The following THBS3 variants were observed in gnomAD, a reference collection of about 807,000 sequenced individuals.
THBS3 encodes thrombospondin 3, also known as thrombospondin-3.
In THBS3, 78 loss-of-function variants were observed where a neutral mutation model predicts 118.3. The observed-to-expected ratio is 0.66, with a 90% CI of 0.55 to 0.80. THBS3 has a LOEUF of 0.80. THBS3 is among the 30% of genes least tolerant of loss of function. The pLI, the probability that THBS3 is intolerant of heterozygous loss-of-function variation, is 0.00. For missense variants in THBS3, 1,057 were observed against 1,247.4 expected (o/e 0.85, Z 2.30); for synonymous variants, 427 against 475.3 (o/e 0.90, Z 1.32).
At chr1:155,209,125 C>T (rs1314316705), upstream of THBS3, 1 of 1,541,932 alleles carries the variant, frequency 6.5e-7, no homozygotes, top group Non-Finnish European at 8.8e-7. Flanking sequence ...GAAGAAGCCT[C>T]GCCTCCCCGG....
In THBS3 at chr1:155,205,309, C is replaced by T; in HGVS notation, c.294G>A (p.Val98=). Residue 98 remains valine, a synonymous_variant, in exon 3 of 23, where the codon GTG becomes GTA. Transcript: ENST00000368378. ...CTTTGCCATCCTCCCGCTGGTATCGCACCAGTACTGCCCAGGAGGGGAGAT... is the reference window on the plus strand; with the variant it reads ...CTTTGCCATCCTCCCGCTGGTATCGTACCAGTACTGCCCAGGAGGGGAGAT... ...SVVGKINKVL[V]RYQREDGKVH... 1.2e-6 allele frequency: 2 copies of T among 1,613,842 alleles called. No homozygotes were observed. Among genetic ancestry groups the T allele is most frequent in the Middle Eastern group, 1.7e-4 (1 of 6,044 alleles).
intron 2 of THBS3, 155 bp from the exon 3 acceptor site, chr1:155,205,471 T>A: frequency 9.2e-7 from 1 of 1,085,700 alleles, no homozygotes. Context: ...AGGTACACAA[T>A]AAATGTTTTT....
At chr1:155,199,235 C>A (rs1400849684) in intron 16 of THBS3, among the ~76,000 whole-genome samples, 2 of 151,134 alleles carry the variant, frequency 1.3e-5, no homozygotes, top group Non-Finnish European at 2.9e-5. Context: ...ACAGTGAAAC[C>A]CCGTCTCTAC....
Position 155,205,140 on chromosome 1 carries a change from G to T in THBS3, c.463C>A (p.Pro155Thr). The T allele has an allele frequency of 6.2e-7, 1 of 1,614,184 alleles. No homozygotes were observed. The change falls in exon 3 of 23, where the codon CCA becomes ACA. Residue 155 changes from proline to threonine, a missense_variant. Pro to Thr is a conservative substitution (Grantham distance 38). This residue lies in a region of THBS3 where 206 missense variants were observed against 205.7 expected (regional missense o/e 1.00). Coordinates refer to ENST00000368378, the MANE Select transcript of THBS3 (RefSeq NM_007112.5). ...CKLGDQHAGL[P>T]ALAPIPPAEV... ...GCTGGAGGAATGGGGGCCAGTGCTG[G>T]AAGGCCTGCATGTTGGTCACCCAGT... is the stretch of plus-strand genomic sequence containing the variant.
chr1:155,197,311 TCATGAAAATGC>T lies in THBS3; in HGVS notation c.2500-109_2500-99del. The T allele has an allele frequency of 6.5e-7, 1 of 1,540,986 alleles. No homozygotes were observed. Among genetic ancestry groups the T allele is most frequent in the East Asian group, 2.3e-5 (1 of 44,168 alleles). ...CAGGTGGGAAAGGGATTCAAGGCGGTCATGAAAATGCCCTGGGGCCCCAGAGAGCCGGCCTC... is the reference window on the plus strand; with the variant it reads ...CAGGTGGGAAAGGGATTCAAGGCGGTCCTGGGGCCCCAGAGAGCCGGCCTC... On this transcript the variant is annotated intron_variant, in intron 20 of 22. Coordinates refer to ENST00000368378, the MANE Select transcript of THBS3 (RefSeq NM_007112.5). This position sits in a 1 kb window ranked among gnomAD's most constrained non-coding sequence, Gnocchi z 5.0.
At chr1:155,207,640 GGC>G (rs2148040259) in intron 1 of THBS3, among the ~76,000 whole-genome samples, 156 bp downstream of exon 1, 1 of 152,252 alleles carries the variant, frequency 6.6e-6, no homozygotes, top group East Asian at 1.9e-4. Flanking sequence ...CTCTCCACCA[GGC>G]CATAATTTCA....
At chr1:155,209,125 C>G (rs1314316705), upstream of THBS3, 1 of 1,541,814 alleles carries the variant, frequency 6.5e-7, no homozygotes, top group Non-Finnish European at 8.8e-7. Flanking sequence ...GAAGAAGCCT[C>G]GCCTCCCCGG....
rs1213074824 is a variant in THBS3, at chr1:155,206,315, G to T, written c.171C>A (p.Tyr57Ter). Reference protein sequence around the residue: ...RTALLTAGDIYLLSTFRLPPK... With the variant: ...RTALLTAGDI ...GGGGCAGGCGGAAGGTGGATAAGAG[G>T]TAGATGTCCCCAGCAGTGAGCAAGG... The change falls in exon 2 of 23, where the codon TAC becomes TAA. Residue 57 changes from tyrosine to a stop codon, truncating the protein, a stop_gained. Transcript: ENST00000368378. LOFTEE classifies it high-confidence loss of function. This position sits in a 1 kb window ranked among gnomAD's most constrained non-coding sequence, Gnocchi z 4.2. The T allele has an allele frequency of 6.2e-7, 1 of 1,614,168 alleles. No homozygotes were observed.
In THBS3 at chr1:155,203,092, C is replaced by T; in HGVS notation, c.802G>A (p.Val268Met). ...LIRNTIMECQVCGFHEQRSHC... is the reference protein window; with the variant it reads ...LIRNTIMECQMCGFHEQRSHC... ...CCCCTGCTCTCCCACTCACCGCACA[C>T]CTGACACTCCATAATGGTGTTTCGG... The change falls in exon 7 of 23, where the codon GTG becomes ATG. Residue 268 changes from valine (V) to methionine (M), a missense_variant. Physicochemically the swap from Val to Met is conservative, Grantham distance 21 (BLOSUM62 1). Coordinates refer to ENST00000368378, the MANE Select transcript of THBS3 (RefSeq NM_007112.5). The T allele has an allele frequency of 1.9e-6, 3 of 1,614,214 alleles. No individual in the cohort carries two copies. The highest frequency in any genetic ancestry group is 2.5e-6 in the Non-Finnish European group (3 of 1,180,028).
chr1:155,204,909 C>G lies in THBS3; in HGVS notation c.592G>C (p.Val198Leu). Residue 198 changes from valine to leucine, a missense_variant, in exon 4 of 23, where the codon GTA becomes CTA. By Grantham distance (32) the Val-to-Leu change is conservative. Transcript: ENST00000368378. The part of the protein sequence containing the change: ...KIILGGSMAR[V>L]GALSECPFQG... Reference sequence around the variant, plus strand: ...AATGGACACTCACTCAGGGCTCCTACCCGGGCCATGGACCCACCCAGAATA... The same window carrying G: ...AATGGACACTCACTCAGGGCTCCTAGCCGGGCCATGGACCCACCCAGAATA... The G allele has an allele frequency of 6.2e-7, 1 of 1,613,992 alleles. No homozygotes were observed. Among genetic ancestry groups the G allele is most frequent in the Admixed American group, 1.7e-5 (1 of 60,022 alleles).
intron 10 of THBS3, 78 bp from the exon 11 acceptor site, chr1:155,201,647 G>T: frequency 1.3e-6 from 2 of 1,506,096 alleles, no homozygotes; most frequent in South Asian, 1.2e-5. Context: ...TCCACCTGCG[G>T]AGTGTGGGCT....
upstream of THBS3, chr1:155,208,694 C>CA: frequency 8.5e-7 from 1 of 1,174,614 alleles, no homozygotes; most frequent in Non-Finnish European, 1.2e-6. Context: ...TCCCCTCCCC[C>CA]ACCCAAGCCC....
chr1:155,203,489 T>C lies in THBS3; in HGVS notation c.673+24A>G, dbSNP rs765654292. ...TGGGGCCTCCTCCCCGCTCCCCGCT[T>C]CCGCTTCAGTGTGGCCTACTCACCT... On this transcript the variant is annotated intron_variant, in intron 5 of 22. Transcript: ENST00000368378. 1.9e-6 allele frequency: 3 copies of C among 1,613,120 alleles called. No homozygotes were observed. In the African/African-American group the frequency reaches 4.0e-5, roughly 22 times the overall value.
At position 155,195,795 on chromosome 1, in the gene THBS3, G is replaced by A. The variant is rs1668560860; in HGVS notation, c.*46C>T. The A allele has an allele frequency of 6.2e-7, 1 of 1,603,650 alleles. No homozygotes were observed. Among genetic ancestry groups the A allele is most frequent in the Non-Finnish European group, 8.5e-7 (1 of 1,175,906 alleles). On this transcript the variant is annotated 3_prime_UTR_variant, in exon 23 of 23. Coordinates refer to ENST00000368378, the MANE Select transcript of THBS3 (RefSeq NM_007112.5). ...CAGGGTCTCCAGGATGGACCCCAAG[G>A]CCAAAGGGTCTAAAATTCTGAATTC...
At chr1:155,207,172 G>C (rs1464149189) in intron 1 of THBS3, among the ~76,000 whole-genome samples, 2 of 152,174 alleles carry the variant, frequency 1.3e-5, no homozygotes, top group South Asian at 4.1e-4. Context: ...CAGCACACTC[G>C]CTCTGGATAA....
At position 155,202,283 on chromosome 1, in the gene THBS3, T is replaced by G; in HGVS notation, c.1076A>C (p.Asp359Ala). Reference protein sequence around the residue: ...KGTQVSGVGIDYARASKQVCN... With the variant: ...KGTQVSGVGIAYARASKQVCN... ...GACCTGTTTGCTGGCCCGGGCATAG[T>G]CAATGCCCACACCAGACACCTGTGT... The change falls in exon 9 of 23, where the codon GAC becomes GCC. Residue 359 changes from aspartate to alanine, a missense_variant. By Grantham distance (126) the Asp-to-Ala change is moderately radical. This residue lies in a region of THBS3 where 544 missense variants were observed against 715.6 expected (regional missense o/e 0.76). Transcript: ENST00000368378. This position sits in a 1 kb window ranked among gnomAD's most constrained non-coding sequence, Gnocchi z 5.5. 6.2e-7 allele frequency: 1 copy of G among 1,614,030 alleles called. No individual in the cohort carries two copies. Among genetic ancestry groups the G allele is most frequent in the Non-Finnish European group, 8.5e-7 (1 of 1,180,008 alleles).
At chr1:155,208,682 C>T (rs1670885178), upstream of THBS3, 1 of 1,086,248 alleles carries the variant, frequency 9.2e-7, no homozygotes, top group Admixed American at 3.0e-5. Context: ...GCGAGCCTCT[C>T]TTCCCCTCCC....
At position 155,197,493 on chromosome 1, in the gene THBS3, C is replaced by T. The variant is rs763904947; in HGVS notation, c.2469G>A (p.Arg823=). 15 of 1,613,770 alleles carry T rather than the reference C, an allele frequency of 9.3e-6. No individual in the cohort carries two copies. In the South Asian group the frequency reaches 1.4e-4, roughly 15 times the overall value. The change falls in exon 20 of 23, where the codon CGG becomes CGA. Residue 823 remains arginine (R), a synonymous_variant. Transcript: ENST00000368378. This position sits in a 1 kb window ranked among gnomAD's most constrained non-coding sequence, Gnocchi z 5.0. ...GCTGCAGCCCGGGCTGGGCAACCGCCCGGAAGGGTGTAGCCTGCCAGTAGG... is the reference window on the plus strand; with the variant it reads ...GCTGCAGCCCGGGCTGGGCAACCGCTCGGAAGGGTGTAGCCTGCCAGTAGG... ...EQTYWQATPF[R]AVAQPGLQLK...
Position 155,206,253 on chromosome 1 carries a change from C to T in THBS3, c.233G>A (p.Arg78His), listed in dbSNP as rs144786490. 1.1e-4 allele frequency: 170 copies of T among 1,614,062 alleles called. No individual in the cohort carries two copies. Among genetic ancestry groups the T allele is most frequent in the Middle Eastern group, 1.7e-4 (1 of 6,060 alleles). ...QGGVLFGLYS[R>H]QDNTRWLEAS... is the part of the protein sequence containing the mutation. ...CTCCAGCCATCGAGTGTTGTCTTGG[C>T]GAGAATAGAGGCCAAAGAGGACACC... Residue 78 changes from arginine to histidine, a missense_variant, in exon 2 of 23, where the codon CGC becomes CAC. Physicochemically the swap from Arg to His is conservative, Grantham distance 29. Coordinates refer to ENST00000368378, the MANE Select transcript of THBS3 (RefSeq NM_007112.5). The surrounding 1 kb of genome is among the most constrained non-coding windows in gnomAD (Gnocchi z 4.2).
Sources: allele counts gnomAD v4.1 joint callset (sites outside exome capture counted in the v4.1 genomes callset), GRCh38; gene constraint gnomAD v4.1.1; regional missense constraint gnomAD v4.1.1; non-coding constraint Gnocchi (gnomAD v3.1); transcripts MANE v1.5; gene names NCBI Gene and HGNC (gene_info 2026-07-23, HGNC 2026-07-21).